The following UGGT2 variants were observed in gnomAD, a reference collection of about 807,000 sequenced individuals.
UGGT2 encodes the protein UDP-glucose glycoprotein glucosyltransferase 2, also known as UDP-glucose:glycoprotein glucosyltransferase 2.
In UGGT2, 180 loss-of-function variants were observed where a neutral mutation model predicts 192.1. That is an observed-to-expected ratio of 0.94 (90% CI 0.83 to 1.06). The LOEUF (loss-of-function observed/expected upper bound fraction) is 1.06. Among genes scored for constraint, UGGT2 ranks in the 50% least tolerant of loss-of-function variants. UGGT2 has a pLI of 0.00. For synonymous variants in UGGT2, 580 were observed against 591.0 expected (o/e 0.98, Z 0.27); for missense variants, 1,849 against 1,795.7 (o/e 1.03, Z -0.54).
At chr13:95,870,865 G>A (rs1166431362) in intron 29 of UGGT2, among the ~76,000 whole-genome samples, 1 of 152,206 alleles carries the variant, frequency 6.6e-6, no homozygotes, top group Non-Finnish European at 1.5e-5. Context: ...CACCCTCATT[G>A]AGTGGAAGTG....
intron 7 of UGGT2, 122 bp from the exon 8 acceptor site, chr13:95,990,195 G>T: frequency 1.9e-6 from 1 of 521,658 alleles, no homozygotes; most frequent in Non-Finnish European, 3.2e-6. Flanking sequence ...TCATCATTAA[G>T]ATAATCATAA....
chr13:95,925,846 G>T, intron 19 of UGGT2, 72 bp from the exon 20 acceptor site: 1 of 991,250 alleles, frequency 1.0e-6, no homozygotes, highest in Non-Finnish European at 1.4e-6. Flanking sequence ...GGGAACATGT[G>T]CAGTTAACAC....
intron 10 of UGGT2, among the ~76,000 whole-genome samples, chr13:95,978,091 A>ATG (rs1453529079): frequency 6.6e-6 from 1 of 152,098 alleles, no homozygotes; most frequent in Non-Finnish European, 1.5e-5. Context: ...CAAAACCTAG[A>ATG]TGATGGGTTG....
intron 38 of UGGT2, among the ~76,000 whole-genome samples, chr13:95,807,729 T>TTTTTTTTTTTTTTTTTC (rs1352544549): frequency 6.8e-6 from 1 of 147,792 alleles, no homozygotes; most frequent in Non-Finnish European, 1.5e-5. Context: ...TTTTTTTTTT[T>TTTTTTTTTTTTTTTTTC]TTTTTTGCCG....
intron 12 of UGGT2, among the ~76,000 whole-genome samples, chr13:95,950,796 T>C (rs893424618): frequency 1.3e-5 from 2 of 152,064 alleles, no homozygotes; most frequent in African/African-American, 4.8e-5. Flanking sequence ...AAGAACTTAT[T>C]GGGTGGGTTT....
Position 95,851,267 on chromosome 13 carries a change from G to A in UGGT2, c.4284+2276C>T, listed in dbSNP as rs372534484. 9.2e-5 allele frequency among the ~76,000 whole-genome samples: 14 copies of A among 152,332 alleles called. No homozygotes were observed. The South Asian group carries it at 1.4e-3, about 16-fold the overall frequency. ...TTCTTGACTTTTTAATTTGAGGTAA[G>A]TTTTGGTCATTAATGTGGCAATGCC... is the stretch of plus-strand genomic sequence containing the variant. On this transcript the variant is annotated intron_variant, in intron 36 of 38. Coordinates refer to ENST00000376747, the MANE Select transcript of UGGT2 (RefSeq NM_020121.4).
In UGGT2 at chr13:95,903,042, G is replaced by T. The variant is rs778483829; in HGVS notation, c.2314C>A (p.Arg772=). The T allele has an allele frequency of 2.0e-5, 32 of 1,610,986 alleles. No homozygotes were observed. The highest frequency in any genetic ancestry group is 2.7e-5 in the Non-Finnish European group (32 of 1,179,210). Residue 772 remains arginine, a synonymous_variant, in exon 21 of 39, where the codon CGG becomes AGG. Coordinates refer to ENST00000376747, the MANE Select transcript of UGGT2 (RefSeq NM_020121.4). ...GTAGGATTATAAATAATCCCCAACC[G>T]ACTATGAACACTTGTTTTCTGCAAA... The part of the protein sequence containing the change: ...LKHMKTSVHS[R]LGIIYNPTSK...
intron 27 of UGGT2, among the ~76,000 whole-genome samples, chr13:95,881,219 T>C (rs2047484955): frequency 6.6e-6 from 1 of 152,040 alleles, no homozygotes; most frequent in African/African-American, 2.4e-5. Context: ...GTATAAAAGG[T>C]TAGGTACTAT....
At position 95,937,055 on chromosome 13, in the gene UGGT2, C is replaced by A; in HGVS notation, c.1846G>T (p.Gly616Cys). 6.2e-7 allele frequency: 1 copy of A among 1,601,498 alleles called. No homozygotes were observed. The highest frequency in any genetic ancestry group is 8.5e-7 in the Non-Finnish European group (1 of 1,177,308). ...TTATAAAGAGCTTGAGGCAAAGGACCCAGGCCAGTCATCTTATAAAAGCTT... is the reference window on the plus strand; with the variant it reads ...TTATAAAGAGCTTGAGGCAAAGGACACAGGCCAGTCATCTTATAAAAGCTT... ...GASFYKMTGL[G>C]PLPQALYNGE... is the part of the protein sequence containing the mutation. The change falls in exon 17 of 39, where the codon GGT becomes TGT. Residue 616 changes from glycine (G) to cysteine (C), a missense_variant. Transcript: ENST00000376747.
At chr13:95,955,848 C>T (rs890543034) in intron 12 of UGGT2, among the ~76,000 whole-genome samples, 4 of 152,116 alleles carry the variant, frequency 2.6e-5, no homozygotes, top group African/African-American at 2.4e-5. Flanking sequence ...TAAACAGATG[C>T]AGTAAATGTA....
intron 12 of UGGT2, among the ~76,000 whole-genome samples, chr13:95,968,990 G>C (rs2050680710): frequency 1.3e-5 from 2 of 152,148 alleles, no homozygotes; most frequent in South Asian, 4.1e-4. Context: ...ATAAAAGAGT[G>C]TTTTGCACAG....
intron 13 of UGGT2, 137 bp from the exon 14 acceptor site, chr13:95,948,218 T>TACACAC (rs149949392): frequency 0.14 from 45,091 of 315,754 alleles, 4,427 homozygotes; most frequent in Admixed American, 0.2. Flanking sequence ...TTCTAAGGAA[T>TACACAC]ACACACACAC....
At chr13:96,042,203 G>C (rs2053184603) in intron 1 of UGGT2, among the ~76,000 whole-genome samples, 1 of 152,188 alleles carries the variant, frequency 6.6e-6, no homozygotes. Flanking sequence ...ATAGGACTCT[G>C]TGCAGACAAT....
intron 20 of UGGT2, among the ~76,000 whole-genome samples, chr13:95,920,471 C>T (rs2048810814): frequency 6.6e-6 from 1 of 152,024 alleles, no homozygotes; most frequent in South Asian, 2.1e-4. Flanking sequence ...GGTCTAATAT[C>T]CAGAGTCTAC....
chr13:96,044,483 G>T (rs919039106), intron 1 of UGGT2, among the ~76,000 whole-genome samples: 1 of 152,086 alleles, frequency 6.6e-6, no homozygotes, highest in Non-Finnish European at 1.5e-5. Flanking sequence ...AATCCCAGTA[G>T]AAGTGAAATA....
At chr13:95,972,233 T>A (rs1335729486) in intron 11 of UGGT2, among the ~76,000 whole-genome samples, 1 of 151,694 alleles carries the variant, frequency 6.6e-6, no homozygotes, top group Non-Finnish European at 1.5e-5. Flanking sequence ...TCTGGGGAAA[T>A]ACCCCATGTT....
intron 36 of UGGT2, among the ~76,000 whole-genome samples, chr13:95,839,540 C>G (rs1015483971): frequency 1.9e-4 from 29 of 152,136 alleles, no homozygotes; most frequent in African/African-American, 7.0e-4. Context: ...CATTTGTCAA[C>G]TGATGGGCAT....
rs138778627 is a variant in UGGT2, at chr13:95,998,289, G to A, written c.757+922C>T. ...GCTAAAAATGCCTTAAATTGCTATC[G>A]TGACTACAAGAGAGTAAATTATAAA... is the stretch of plus-strand genomic sequence containing the variant. On this transcript the variant is annotated intron_variant, in intron 6 of 38. Transcript: ENST00000376747. Among the ~76,000 whole-genome samples, 478 of 152,264 alleles carry A rather than the reference G, an allele frequency of 3.1e-3. 3 individuals carry two copies. The highest frequency in any genetic ancestry group is 0.011 in the African/African-American group (455 of 41,544).
chr13:95,972,857 T>TTG, intron 10 of UGGT2, among the ~76,000 whole-genome samples, 186 bp from the exon 11 acceptor site: 1 of 152,222 alleles, frequency 6.6e-6, no homozygotes, highest in East Asian at 1.9e-4. Context: ...CAAATGGACA[T>TTG]TGCAATGTTT....
Sources: gnomAD v4.1 joint callset for allele counts (sites outside exome capture counted in the v4.1 genomes callset) on GRCh38, gnomAD v4.1.1 for gene constraint, MANE v1.5 for transcripts, NCBI Gene and HGNC (gene_info 2026-07-23, HGNC 2026-07-21) for gene names.